RBMS3: variants seen among roughly 807,000 people sequenced by gnomAD.
The protein encoded by RBMS3 is RNA binding motif single stranded interacting protein 3.
In RBMS3, 27 loss-of-function variants were observed where a neutral mutation model predicts 66.8. That is an observed-to-expected ratio of 0.40 (90% CI 0.30 to 0.56). The LOEUF (loss-of-function observed/expected upper bound fraction) is 0.56. Among genes scored for constraint, RBMS3 ranks in the 20% least tolerant of loss-of-function variants. RBMS3 has a pLI of 0.40. For missense variants in RBMS3, 513 were observed against 549.5 expected, an observed-to-expected ratio of 0.93 and a Z score of 0.66; for synonymous variants, 188 against 183.0, an observed-to-expected ratio of 1.03 and a Z score of -0.22.
intron 1 of RBMS3, among the ~76,000 whole-genome samples, chr3:29,357,881 C>G (rs2037321279): frequency 6.6e-6 from 1 of 152,114 alleles, no homozygotes; most frequent in Non-Finnish European, 1.5e-5. Context: ...CCTTCACCCA[C>G]TTTTTGATGG....
intron 12 of RBMS3, among the ~76,000 whole-genome samples, chr3:29,944,512 C>T (rs1695164107): frequency 6.6e-6 from 1 of 151,688 alleles, no homozygotes. Flanking sequence ...CAAGGATACA[C>T]AGAAGATAGA....
At chr3:29,876,774 T>C (rs1559760559) in intron 7 of RBMS3, among the ~76,000 whole-genome samples, 1 of 151,854 alleles carries the variant, frequency 6.6e-6, no homozygotes. Flanking sequence ...CCAGGGGTAA[T>C]GCTCCAGGGC....
chr3:29,895,619 A>C (rs956489452), intron 8 of RBMS3, among the ~76,000 whole-genome samples: 1 of 151,526 alleles, frequency 6.6e-6, no homozygotes, highest in Non-Finnish European at 1.5e-5. Flanking sequence ...TTGATGTGCC[A>C]CAGTTTATTA....
At chr3:29,996,619 C>A (rs1484685647) in intron 14 of RBMS3, among the ~76,000 whole-genome samples, 1 of 150,574 alleles carries the variant, frequency 6.6e-6, no homozygotes, top group Non-Finnish European at 1.5e-5. Context: ...GAATCTCACT[C>A]AAAACTGCTC....
intron 1 of RBMS3, among the ~76,000 whole-genome samples, chr3:29,379,714 T>G (rs1220667378): frequency 6.6e-6 from 1 of 152,222 alleles, no homozygotes; most frequent in East Asian, 1.9e-4. Context: ...ACAGCGAAGC[T>G]ATGTCAACCT....
intron 6 of RBMS3, among the ~76,000 whole-genome samples, chr3:29,780,398 G>A (rs955865734): frequency 6.6e-6 from 1 of 150,838 alleles, no homozygotes; most frequent in Non-Finnish European, 1.5e-5. Flanking sequence ...TTTGTCCATT[G>A]CATTTGTCAT....
intron 12 of RBMS3, among the ~76,000 whole-genome samples, chr3:29,964,632 G>A (rs72849030): frequency 0.1 from 15,462 of 151,924 alleles, 1,438 homozygotes; most frequent in African/African-American, 0.22. Flanking sequence ...ACCTTTCCTC[G>A]GGAGTCTCCC....
chr3:29,321,108 C>G (rs908411744), intron 1 of RBMS3, among the ~76,000 whole-genome samples: 1 of 152,072 alleles, frequency 6.6e-6, no homozygotes, highest in South Asian at 2.1e-4. Flanking sequence ...AAGATAGAAT[C>G]TCATAGAACT....
chr3:29,814,187 T>C (rs2057808632), intron 6 of RBMS3, among the ~76,000 whole-genome samples: 1 of 151,952 alleles, frequency 6.6e-6, no homozygotes, highest in Non-Finnish European at 1.5e-5. Context: ...GTTTTTAGCA[T>C]GAAGGGCTGT....
At chr3:29,854,294 C>T (rs1417047749) in intron 6 of RBMS3, among the ~76,000 whole-genome samples, 1 of 152,206 alleles carries the variant, frequency 6.6e-6, no homozygotes, top group South Asian at 2.1e-4. Flanking sequence ...ATCCTAGAGG[C>T]TAGGCCTCTT....
At chr3:29,726,211 AAAT>A (rs2053866225) in intron 4 of RBMS3, among the ~76,000 whole-genome samples, 1 of 152,272 alleles carries the variant, frequency 6.6e-6, no homozygotes, top group Admixed American at 6.5e-5. Flanking sequence ...CCATATCTCA[AAAT>A]AATAAGAGCT....
chr3:29,796,322 C>A (rs2057184749), intron 6 of RBMS3, among the ~76,000 whole-genome samples: 1 of 152,128 alleles, frequency 6.6e-6, no homozygotes, highest in Non-Finnish European at 1.5e-5. Flanking sequence ...TCAGAGACTT[C>A]CTTCACTGAA....
At chr3:29,605,211 A>G (rs1481951285) in intron 4 of RBMS3, among the ~76,000 whole-genome samples, 3 of 151,882 alleles carry the variant, frequency 2.0e-5, no homozygotes, top group Non-Finnish European at 4.4e-5. Context: ...CACTGTGCAG[A>G]CTAAAAATTC....
At chr3:29,425,152 GC>G (rs2040895227) in intron 1 of RBMS3, among the ~76,000 whole-genome samples, 1 of 144,294 alleles carries the variant, frequency 6.9e-6, no homozygotes, top group East Asian at 2.0e-4. Context: ...GACCATCCTG[GC>G]TAACACAGTG....
intron 13 of RBMS3, among the ~76,000 whole-genome samples, chr3:29,990,244 A>T (rs1698744319): frequency 6.9e-6 from 1 of 144,276 alleles, no homozygotes; most frequent in African/African-American, 2.4e-5. Flanking sequence ...AAATTTAGGG[A>T]ATTTCAGCGA....
intron 2 of RBMS3, among the ~76,000 whole-genome samples, chr3:29,473,729 G>A (rs944009143): frequency 6.6e-6 from 1 of 152,372 alleles, no homozygotes; most frequent in East Asian, 1.9e-4. Context: ...TACACCCTCC[G>A]CAGCTGCTGG....
intron 5 of RBMS3, among the ~76,000 whole-genome samples, chr3:29,744,785 GAA>G (rs1553655159): frequency 3.8e-4 from 53 of 138,168 alleles, no homozygotes; most frequent in Middle Eastern, 3.8e-3. Flanking sequence ...CTCCGTCTCG[GAA>G]AAAAAAAAAA....
chr3:29,419,126 A>T (rs1205334345), intron 1 of RBMS3, among the ~76,000 whole-genome samples: 1 of 152,176 alleles, frequency 6.6e-6, no homozygotes, highest in Admixed American at 6.5e-5. Flanking sequence ...ATGCTTGATC[A>T]AAAGGCCAAG....
intron 12 of RBMS3, among the ~76,000 whole-genome samples, chr3:29,979,293 G>A (rs1019431995): frequency 1.3e-5 from 2 of 152,326 alleles, no homozygotes; most frequent in African/African-American, 4.8e-5. Flanking sequence ...GAAGTTGATT[G>A]TGAATTGCAT....
Sources: allele counts gnomAD v4.1 joint callset (sites outside exome capture counted in the v4.1 genomes callset), GRCh38; gene constraint gnomAD v4.1.1; transcripts MANE v1.5; gene names NCBI Gene and HGNC (gene_info 2026-07-23, HGNC 2026-07-21).